TMCC1: variants seen among roughly 807,000 people sequenced by gnomAD.
The protein encoded by TMCC1 is transmembrane and coiled-coil domain family 1.
TMCC1 carries 15 observed loss-of-function variants against 52.4 expected under a neutral mutation model. The observed-to-expected ratio is 0.29, with a 90% CI of 0.19 to 0.44. The LOEUF (loss-of-function observed/expected upper bound fraction) is 0.44, where lower values mean the gene tolerates loss of function less well. TMCC1 is among the 20% of genes least tolerant of loss of function. The probability of loss-of-function intolerance (pLI) is 1.00; values close to 1 mark genes in which losing one functional copy is unlikely to be tolerated. For synonymous variants in TMCC1, 279 were observed against 301.9 expected (o/e 0.92, Z 0.79); for missense variants, 503 against 806.0 (o/e 0.62, Z 4.55).
chr3:129,800,076 T>G (rs2057089790), intron 4 of TMCC1, among the ~76,000 whole-genome samples: 1 of 152,224 alleles, frequency 6.6e-6, no homozygotes, highest in Admixed American at 6.5e-5. Flanking sequence ...TATCATAAAT[T>G]AACTTTGCTT....
At position 129,792,176 on chromosome 3, in the gene TMCC1, A is replaced by G. The variant is rs552853739; in HGVS notation, c.576+35627T>C. 4.0e-5 allele frequency among the ~76,000 whole-genome samples: 6 copies of G among 148,788 alleles called. No individual in the cohort carries two copies. In the East Asian group the frequency reaches 7.8e-4, roughly 19 times the overall value. On this transcript the variant is annotated intron_variant, in intron 4 of 6. Transcript: ENST00000393238. ...ACATCTGAAATTGCTGTTCAACTGTATATATATATATACATATATATATAT... is the reference window on the plus strand; with the variant it reads ...ACATCTGAAATTGCTGTTCAACTGTGTATATATATATACATATATATATAT...
At chr3:129,831,645 G>C (rs1261088535) in intron 3 of TMCC1, among the ~76,000 whole-genome samples, 1 of 152,094 alleles carries the variant, frequency 6.6e-6, no homozygotes, top group Non-Finnish European at 1.5e-5. Flanking sequence ...AATCTTTAAG[G>C]CCACCAAAGT....
At position 129,801,686 on chromosome 3, in the gene TMCC1, G is replaced by A. The variant is rs148652432; in HGVS notation, c.576+26117C>T. On this transcript the variant is annotated intron_variant, in intron 4 of 6. Transcript: ENST00000393238. ...CCTGACTTTGTGACCCACCCACCTC[G>A]GCCTCCAAAAGTTGCTGGGATTTCA... 8.3e-3 allele frequency among the ~76,000 whole-genome samples: 1,266 copies of A among 152,144 alleles called. 10 individuals carry two copies. Among genetic ancestry groups the A allele is most frequent in the Middle Eastern group, 0.027 (8 of 294 alleles).
At position 129,670,640 on chromosome 3, in the gene TMCC1, C is replaced by T; in HGVS notation, c.1201G>A (p.Ala401Thr). The T allele has an allele frequency of 6.2e-7, 1 of 1,614,226 alleles. No individual in the cohort carries two copies. The highest frequency in any genetic ancestry group is 2.2e-5 in the East Asian group (1 of 44,880). The part of the protein sequence containing the change: ...DSLEEGQVDD[A>T]GKALGVISNF... ...GAAATCACTCCCAAAGCCTTCCCCGCATCATCCACTTGCCCTTCCTCTAAA... is the reference window on the plus strand; with the variant it reads ...GAAATCACTCCCAAAGCCTTCCCCGTATCATCCACTTGCCCTTCCTCTAAA... Residue 401 changes from alanine to threonine, a missense_variant, in exon 5 of 7, where the codon GCG (alanine) becomes ACG (threonine). Ala to Thr is a moderately conservative substitution (Grantham distance 58). Transcript: ENST00000393238.
At chr3:129,729,231 G>C (rs1374463784) in intron 4 of TMCC1, among the ~76,000 whole-genome samples, 3 of 152,000 alleles carry the variant, frequency 2.0e-5, no homozygotes, top group Non-Finnish European at 2.9e-5. Context: ...GTCAGCATTT[G>C]CAACTGTCAG....
chr3:129,832,351 G>T (rs2058960018), intron 3 of TMCC1, among the ~76,000 whole-genome samples: 1 of 152,152 alleles, frequency 6.6e-6, no homozygotes, highest in African/African-American at 2.4e-5. Context: ...AAGGGGAGAG[G>T]TCGAAGGAGT....
chr3:129,805,910 C>T (rs1334240971), intron 4 of TMCC1, among the ~76,000 whole-genome samples: 1 of 151,944 alleles, frequency 6.6e-6, no homozygotes, highest in Non-Finnish European at 1.5e-5. Context: ...CCAGCCTGGG[C>T]CACAGAGTAA....
At chr3:129,787,154 T>G (rs142474865) in intron 4 of TMCC1, among the ~76,000 whole-genome samples, 157 of 152,340 alleles carry the variant, frequency 1.0e-3, no homozygotes, top group African/African-American at 3.4e-3. Flanking sequence ...ATTAGATAAT[T>G]CTTTTCACAT....
chr3:129,766,833 G>A (rs965067345), intron 4 of TMCC1, among the ~76,000 whole-genome samples: 2 of 151,892 alleles, frequency 1.3e-5, no homozygotes, highest in African/African-American at 4.8e-5. Flanking sequence ...TGCCCAGGCT[G>A]GTCTCAAACT....
intron 4 of TMCC1, among the ~76,000 whole-genome samples, chr3:129,693,164 G>A (rs1468555570): frequency 6.6e-6 from 1 of 152,184 alleles, no homozygotes; most frequent in Non-Finnish European, 1.5e-5. Context: ...CATTTAATCA[G>A]CTTTGATGGG....
intron 4 of TMCC1, among the ~76,000 whole-genome samples, chr3:129,747,629 G>A (rs1172935424): frequency 6.6e-6 from 1 of 151,956 alleles, no homozygotes; most frequent in Non-Finnish European, 1.5e-5. Flanking sequence ...CCTTCCATAT[G>A]TAACCAATCT....
chr3:129,869,915 A>T (rs1355668083), intron 2 of TMCC1, among the ~76,000 whole-genome samples: 1 of 152,240 alleles, frequency 6.6e-6, no homozygotes, highest in Non-Finnish European at 1.5e-5. Context: ...AGCAGAAGAG[A>T]CAATTAAATC....
intron 2 of TMCC1, among the ~76,000 whole-genome samples, chr3:129,840,629 G>A (rs1193653847): frequency 6.6e-6 from 1 of 152,072 alleles, no homozygotes; most frequent in East Asian, 1.9e-4. Context: ...CTGGATCACG[G>A]GGGTGGTTTC....
At chr3:129,870,535 C>A (rs1397794434) in intron 2 of TMCC1, among the ~76,000 whole-genome samples, 2 of 151,368 alleles carry the variant, frequency 1.3e-5, no homozygotes, top group Non-Finnish European at 2.9e-5. Context: ...GTCAGGAGAT[C>A]GAGATCATCC....
intron 4 of TMCC1, among the ~76,000 whole-genome samples, chr3:129,787,643 G>A (rs961775405): frequency 2.0e-5 from 3 of 152,120 alleles, no homozygotes; most frequent in Non-Finnish European, 4.4e-5. Context: ...GGCATAATGA[G>A]TAAAATGTGT....
intron 2 of TMCC1, among the ~76,000 whole-genome samples, chr3:129,866,113 C>A (rs1033231671): frequency 6.6e-6 from 1 of 151,602 alleles, no homozygotes; most frequent in Non-Finnish European, 1.5e-5. Flanking sequence ...GCCCTGACAC[C>A]CAATCTGACC....
intron 4 of TMCC1, among the ~76,000 whole-genome samples, chr3:129,772,747 G>GA (rs1380538144): frequency 7.1e-6 from 1 of 140,828 alleles, no homozygotes; most frequent in Non-Finnish European, 1.5e-5. Flanking sequence ...AAAAAAAACT[G>GA]ATTCACAGAA....
At chr3:129,657,348 T>G (rs2086730615) in intron 5 of TMCC1, among the ~76,000 whole-genome samples, 1 of 152,218 alleles carries the variant, frequency 6.6e-6, no homozygotes, top group Non-Finnish European at 1.5e-5. Context: ...AGCAACAGTT[T>G]AATCAGTGCC....
chr3:129,861,542 C>G (rs2060399048), intron 2 of TMCC1, among the ~76,000 whole-genome samples: 1 of 151,968 alleles, frequency 6.6e-6, no homozygotes, highest in Non-Finnish European at 1.5e-5. Flanking sequence ...TTAAGATAAC[C>G]CTATTAAAAA....
Sources: gnomAD v4.1 joint callset for allele counts (sites outside exome capture counted in the v4.1 genomes callset) on GRCh38, gnomAD v4.1.1 for gene constraint, MANE v1.5 for transcripts, NCBI Gene and HGNC (gene_info 2026-07-23, HGNC 2026-07-21) for gene names.